CYP7B1: variants seen among roughly 807,000 people sequenced by gnomAD.
CYP7B1 encodes the protein cytochrome P450 family 7 subfamily B member 1, also known as cytochrome P450 7B1.
CYP7B1 carries 29 observed loss-of-function variants against 42.7 expected under a neutral mutation model. That is an observed-to-expected ratio of 0.68 (90% CI 0.51 to 0.93). CYP7B1 has a LOEUF of 0.93. Among genes scored for constraint, CYP7B1 ranks in the 40% least tolerant of loss-of-function variants. The probability of loss-of-function intolerance (pLI) is 0.00; values close to 1 mark genes in which losing one functional copy is unlikely to be tolerated. For missense variants in CYP7B1, 655 were observed against 600.5 expected (o/e 1.09, Z -0.95); for synonymous variants, 235 against 218.2 (o/e 1.08, Z -0.68).
intron 1 of CYP7B1, among the ~76,000 whole-genome samples, chr8:64,758,330 C>T (rs1807837159): frequency 6.6e-6 from 1 of 152,158 alleles, no homozygotes; most frequent in Non-Finnish European, 1.5e-5. Flanking sequence ...CTGCTGCAGA[C>T]AATCTCCATC....
At chr8:64,635,497 ACT>A (rs1805756826) in intron 1 of CYP7B1, among the ~76,000 whole-genome samples, 1 of 152,106 alleles carries the variant, frequency 6.6e-6, no homozygotes, top group Non-Finnish European at 1.5e-5. Context: ...TCTAGTGACC[ACT>A]CTAGAACGGT....
Position 64,706,275 on chromosome 8 carries a change from A to T in CYP7B1, c.123-81736T>A, listed in dbSNP as rs377092477. ...GAAGTTAGAATACATGGTAAAACTG[A>T]CTACTAAGTCCTGAGTAAAGTGTGC... On this transcript the variant is annotated intron_variant, in intron 1 of 5. Coordinates refer to ENST00000310193, the MANE Select transcript of CYP7B1 (RefSeq NM_004820.5). 6.6e-5 allele frequency among the ~76,000 whole-genome samples: 10 copies of T among 152,140 alleles called. 1 individual carries two copies. Among genetic ancestry groups the T allele is most frequent in the African/African-American group, 2.4e-4 (10 of 41,548 alleles).
downstream of CYP7B1, among the ~76,000 whole-genome samples, chr8:64,587,561 A>G (rs1298050757): frequency 6.6e-6 from 1 of 152,012 alleles, no homozygotes; most frequent in Non-Finnish European, 1.5e-5. Flanking sequence ...CCGGTTTTAA[A>G]CCCCAAAGAG....
chr8:64,747,282 TATA>T (rs1392805747), intron 1 of CYP7B1, among the ~76,000 whole-genome samples: 1 of 148,256 alleles, frequency 6.7e-6, no homozygotes, highest in Admixed American at 6.8e-5. Context: ...TATATTTGAA[TATA>T]ATATTAATAT....
chr8:64,640,830 T>C lies in CYP7B1; in HGVS notation c.123-16291A>G, dbSNP rs138388657. Among the ~76,000 whole-genome samples, 215 of 152,278 alleles carry C rather than the reference T, an allele frequency of 1.4e-3. 1 individual carries two copies. The highest frequency in any genetic ancestry group is 4.8e-3 in the African/African-American group (200 of 41,578). On this transcript the variant is annotated intron_variant, in intron 1 of 5. Coordinates refer to ENST00000310193, the MANE Select transcript of CYP7B1 (RefSeq NM_004820.5). ...CATGGTTACGGGAATTCTGACTTTC[T>C]GAAATCAGGTTTTTCTCTTTTCTGA...
At chr8:64,783,776 G>C (rs1328956510) in intron 1 of CYP7B1, among the ~76,000 whole-genome samples, 1 of 152,138 alleles carries the variant, frequency 6.6e-6, no homozygotes, top group African/African-American at 2.4e-5. Flanking sequence ...AAAAAGATCA[G>C]TGTTACTCAA....
Position 64,798,658 on chromosome 8 carries a change from C to T in CYP7B1, c.-71G>A. 1 of 1,414,322 alleles carries T rather than the reference C, an allele frequency of 7.1e-7. No individual in the cohort carries two copies. Among genetic ancestry groups the T allele is most frequent in the Non-Finnish European group, 9.2e-7 (1 of 1,091,478 alleles). The allele number at this position is 1,414,322 out of a possible 1,614,324, so 87.6% of individuals were successfully genotyped here. A position where few individuals can be genotyped will look rare whatever the true frequency, so the allele number is the denominator to read the frequency against. On this transcript the variant is annotated 5_prime_UTR_variant, in exon 1 of 6. Transcript: ENST00000310193. The stretch of plus-strand genomic sequence containing the variant: ...AACAGCGCGGTCGGCGACTCTGCAG[C>T]CTGCGGCGGCTTCTCTCGGCGGCGC...
chr8:64,672,724 G>T (rs1435119264), intron 1 of CYP7B1, among the ~76,000 whole-genome samples: 1 of 152,144 alleles, frequency 6.6e-6, no homozygotes. Flanking sequence ...GCAAGACACA[G>T]GCATGACTCC....
intron 1 of CYP7B1, among the ~76,000 whole-genome samples, chr8:64,684,668 G>A (rs1806592731): frequency 6.6e-6 from 1 of 152,168 alleles, no homozygotes; most frequent in Admixed American, 6.5e-5. Context: ...ACCTTACCAA[G>A]CAACTGCCAG....
chr8:64,632,513 G>A (rs918392307), intron 1 of CYP7B1, among the ~76,000 whole-genome samples: 3 of 152,070 alleles, frequency 2.0e-5, no homozygotes, highest in African/African-American at 7.2e-5. Context: ...AACATTGTAT[G>A]TATAGTCAAC....
chr8:64,773,126 A>T (rs1804263120), intron 1 of CYP7B1, among the ~76,000 whole-genome samples: 2 of 152,224 alleles, frequency 1.3e-5, no homozygotes, highest in Admixed American at 1.3e-4. Flanking sequence ...GTGCTTTAAA[A>T]TTAATATCTG....
At chr8:64,644,475 A>C (rs957545768) in intron 1 of CYP7B1, among the ~76,000 whole-genome samples, 1 of 152,176 alleles carries the variant, frequency 6.6e-6, no homozygotes, top group African/African-American at 2.4e-5. Context: ...TGTATTTCTT[A>C]AATAATAAGA....
chr8:64,659,419 T>G (rs1434412292), intron 1 of CYP7B1, among the ~76,000 whole-genome samples: 1 of 152,186 alleles, frequency 6.6e-6, no homozygotes, highest in Admixed American at 6.5e-5. Context: ...TTCCCCTGAA[T>G]AAATATAAAT....
chr8:64,753,163 T>C (rs770226024), intron 1 of CYP7B1, among the ~76,000 whole-genome samples: 3 of 152,228 alleles, frequency 2.0e-5, no homozygotes, highest in Non-Finnish European at 2.9e-5. Flanking sequence ...AACACTCTTT[T>C]AAAAATAAAC....
chr8:64,746,287 T>A (rs1807642025), intron 1 of CYP7B1, among the ~76,000 whole-genome samples: 1 of 152,164 alleles, frequency 6.6e-6, no homozygotes, highest in African/African-American at 2.4e-5. Context: ...AAGCTTCTGT[T>A]GTCTATTTAA....
At chr8:64,609,790 T>A (rs1410424765) in intron 4 of CYP7B1, among the ~76,000 whole-genome samples, 1 of 152,206 alleles carries the variant, frequency 6.6e-6, no homozygotes, top group Non-Finnish European at 1.5e-5. Context: ...TGGATGGCCA[T>A]TAGAATCACC....
At chr8:64,611,434 A>G (rs1180553286) in intron 4 of CYP7B1, among the ~76,000 whole-genome samples, 1 of 152,162 alleles carries the variant, frequency 6.6e-6, no homozygotes, top group Non-Finnish European at 1.5e-5. Context: ...TATATTTAAC[A>G]TGGATTGCAT....
At chr8:64,646,873 G>A (rs1468637870) in intron 1 of CYP7B1, among the ~76,000 whole-genome samples, 1 of 152,164 alleles carries the variant, frequency 6.6e-6, no homozygotes, top group African/African-American at 2.4e-5. Flanking sequence ...TTTCTCACAC[G>A]TGTGTTCACT....
chr8:64,797,931 T>G (rs570943280), intron 1 of CYP7B1, among the ~76,000 whole-genome samples: 1 of 152,210 alleles, frequency 6.6e-6, no homozygotes, highest in African/African-American at 2.4e-5. Flanking sequence ...CTGCATAAAA[T>G]ACTCTCCATT....
Sources: allele counts gnomAD v4.1 joint callset (sites outside exome capture counted in the v4.1 genomes callset), GRCh38; gene constraint gnomAD v4.1.1; transcripts MANE v1.5; gene names NCBI Gene and HGNC (gene_info 2026-07-23, HGNC 2026-07-21).